The following SARAF variants were observed in gnomAD, a reference collection of about 807,000 sequenced individuals.
SARAF encodes the protein store-operated calcium entry-associated regulatory factor.
A neutral mutation model predicts 39.7 loss-of-function variants in SARAF; 23 were observed. That is an observed-to-expected ratio of 0.58 (90% confidence interval 0.42 to 0.82). The LOEUF (loss-of-function observed/expected upper bound fraction) is 0.82. SARAF is among the 40% of genes least tolerant of loss of function. The pLI, the probability that SARAF is intolerant of heterozygous loss-of-function variation, is 0.00. For missense variants in SARAF, 384 were observed against 418.5 expected (o/e 0.92, Z 0.72); for synonymous variants, 175 against 168.5 (o/e 1.04, Z -0.30).
rs143834466 is a variant in SARAF at position 30,082,041 on chromosome 8, G to C, written c.103+806C>G. Among the ~76,000 whole-genome samples the C allele has an allele frequency of 6.2e-4, 94 of 152,246 alleles. No homozygotes were observed. In the East Asian group the frequency reaches 0.018, roughly 29 times the overall value. ...GTACATCACTGCAATCGTCAGATAA[G>C]AGGCAGCGGTTCTCATAAAGACGCG... On this transcript the variant is annotated intron_variant, in intron 1 of 5. Transcript: ENST00000256255.
chr8:30,081,251 T>C (rs1327621076), intron 1 of SARAF, among the ~76,000 whole-genome samples: 1 of 152,234 alleles, frequency 6.6e-6, no homozygotes, highest in Non-Finnish European at 1.5e-5. Flanking sequence ...TCCAGAACAA[T>C]AGTTTTACAG....
At chr8:30,080,614 TC>T (rs1176187907) in intron 1 of SARAF, among the ~76,000 whole-genome samples, 1 of 152,196 alleles carries the variant, frequency 6.6e-6, no homozygotes, top group African/African-American at 2.4e-5. Flanking sequence ...ACTGCTATAT[TC>T]CCAACACCCG....
At chr8:30,071,613 G>C (rs1801846570) in intron 2 of SARAF, among the ~76,000 whole-genome samples, 1 of 152,146 alleles carries the variant, frequency 6.6e-6, no homozygotes, top group African/African-American at 2.4e-5. Context: ...CCCATTAGCA[G>C]TCACTCTCCA....
At chr8:30,074,096 G>A (rs1585441111) in intron 1 of SARAF, 41 bp from the exon 2 acceptor site, 16 of 1,585,000 alleles carry the variant, frequency 1.0e-5, no homozygotes, top group African/African-American at 2.7e-5. Context: ...AGTAAGTATC[G>A]TGTCAGAGAA....
chr8:30,070,029 A>G lies in SARAF; in HGVS notation c.313T>C (p.Tyr105His), dbSNP rs751609480. Reference protein sequence around the residue: ...WECKTDLDIAYKFGKTVVSCE... With the variant: ...WECKTDLDIAHKFGKTVVSCE... The stretch of plus-strand genomic sequence containing the variant: ...CTCACCACAGTTTTTCCAAATTTGT[A>G]TGCAATATCTAAGTCCGTCTTACAT... Residue 105 changes from tyrosine to histidine, a missense_variant, in exon 3 of 6, where the codon TAC becomes CAC. Transcript: ENST00000256255. The G allele has an allele frequency of 3.1e-6, 5 of 1,612,094 alleles. No individual in the cohort carries two copies. The highest frequency in any genetic ancestry group is 3.4e-5 in the Admixed American group (2 of 59,580).
At chr8:30,077,674 T>C (rs1408161869) in intron 1 of SARAF, among the ~76,000 whole-genome samples, 1 of 149,864 alleles carries the variant, frequency 6.7e-6, no homozygotes, top group Non-Finnish European at 1.5e-5. Flanking sequence ...TGGTGGCGCG[T>C]GCCTGTAGTC....
intron 3 of SARAF, among the ~76,000 whole-genome samples, chr8:30,068,857 T>A (rs1048225413): frequency 3.3e-5 from 5 of 152,194 alleles, no homozygotes; most frequent in African/African-American, 4.8e-5. Context: ...GATGATTAGA[T>A]GTTCTTAATT....
rs1364105742 is a variant in SARAF at position 30,063,553 on chromosome 8, G to C, written c.*335C>G. 1.7e-5 allele frequency: 5 copies of C among 297,502 alleles called. No homozygotes were observed. Among genetic ancestry groups the C allele is most frequent in the Non-Finnish European group, 3.1e-5 (5 of 160,628 alleles). The allele number at this position is 297,502 out of a possible 1,614,324, so 18.4% of individuals were successfully genotyped here. ...CTAAAACTGAAATTTTCTGTACTTA[G>C]TTTCTATTAGTACAACACCTTCATT... On this transcript the variant is annotated 3_prime_UTR_variant, in exon 6 of 6. Coordinates refer to ENST00000256255, the MANE Select transcript of SARAF (RefSeq NM_016127.6).
At chr8:30,073,842 C>T (rs752954584) in intron 2 of SARAF, 35 bp downstream of exon 2, 16 of 1,574,610 alleles carry the variant, frequency 1.0e-5, no homozygotes, top group African/African-American at 6.8e-5. Flanking sequence ...GAATAAAAAC[C>T]CCATTTAGAC....
intron 5 of SARAF, among the ~76,000 whole-genome samples, chr8:30,064,555 A>ATTTTTTT (rs1402020823): frequency 4.4e-4 from 23 of 52,506 alleles, no homozygotes; most frequent in Admixed American, 1.1e-3. Context: ...ATATATATAT[A>ATTTTTTT]TATATATTTT....
chr8:30,075,066 C>T (rs766940636), intron 1 of SARAF, among the ~76,000 whole-genome samples: 9 of 152,016 alleles, frequency 5.9e-5, no homozygotes, highest in Admixed American at 2.0e-4. Context: ...TTTGGGAGGC[C>T]GAGGCACGTG....
intron 1 of SARAF, among the ~76,000 whole-genome samples, chr8:30,075,130 A>G (rs1326659391): frequency 6.6e-6 from 1 of 151,976 alleles, no homozygotes; most frequent in Non-Finnish European, 1.5e-5. Flanking sequence ...GCGAAACCCC[A>G]TCTCTACTAA....
chr8:30,070,951 C>T (rs1801827400), intron 2 of SARAF, among the ~76,000 whole-genome samples: 1 of 152,046 alleles, frequency 6.6e-6, no homozygotes, highest in African/African-American at 2.4e-5. Flanking sequence ...AGGCTAGCCC[C>T]AAAAATGTCC....
chr8:30,064,561 A>ATATATTTTTTATTTTT (rs1423689069), intron 5 of SARAF, among the ~76,000 whole-genome samples: 5 of 46,228 alleles, frequency 1.1e-4, no homozygotes, highest in Non-Finnish European at 1.7e-4. Flanking sequence ...ATATATATAT[A>ATATATTTTTTATTTTT]TTTTTTTTTT....
intron 2 of SARAF, among the ~76,000 whole-genome samples, chr8:30,070,909 T>A (rs1274756255): frequency 6.6e-6 from 1 of 152,200 alleles, no homozygotes; most frequent in Non-Finnish European, 1.5e-5. Flanking sequence ...TTGTATTTTT[T>A]AAAGATATTT....
At chr8:30,074,187 T>C in intron 1 of SARAF, 132 bp from the exon 2 acceptor site, 1 of 987,138 alleles carries the variant, frequency 1.0e-6, no homozygotes, top group South Asian at 1.8e-5. Flanking sequence ...AGGATGAATC[T>C]ATTTCTCAAA....
intron 1 of SARAF, among the ~76,000 whole-genome samples, chr8:30,074,297 C>A (rs1175281696): frequency 1.3e-5 from 2 of 152,196 alleles, no homozygotes; most frequent in Non-Finnish European, 2.9e-5. Context: ...ACAAGTTGTA[C>A]ATCATTTTTG....
At chr8:30,069,561 C>A (rs111521170) in intron 3 of SARAF, 81 bp downstream of exon 3, 1 of 1,403,926 alleles carries the variant, frequency 7.1e-7, no homozygotes, top group Non-Finnish European at 9.6e-7. Flanking sequence ...CCCAATGCAA[C>A]GATTTTCTAT....
In SARAF at chr8:30,069,735, G is replaced by C. The variant is rs1310191619; in HGVS notation, c.607C>G (p.Pro203Ala). ...GAAAATGGAGGATACTCAGAGTACG[G>C]TGGAGGAGAATACTGCCCGTCACTC... The part of the protein sequence containing the change: ...FLSDGQYSPP[P>A]YSEYPPFSHR... Residue 203 changes from proline (P) to alanine (A), a missense_variant, in exon 3 of 6, where the codon CCG (proline) becomes GCG (alanine). By Grantham distance (27) the Pro-to-Ala change is conservative. Coordinates refer to ENST00000256255, the MANE Select transcript of SARAF (RefSeq NM_016127.6). The C allele has an allele frequency of 6.2e-7, 1 of 1,614,122 alleles. No individual in the cohort carries two copies. Among genetic ancestry groups the C allele is most frequent in the Non-Finnish European group, 8.5e-7 (1 of 1,180,006 alleles).
Sources: gnomAD v4.1 joint callset for allele counts (sites outside exome capture counted in the v4.1 genomes callset) on GRCh38, gnomAD v4.1.1 for gene constraint, MANE v1.5 for transcripts, NCBI Gene and HGNC (gene_info 2026-07-23, HGNC 2026-07-21) for gene names.